The following CACNG2 variants were observed in gnomAD, a reference collection of about 807,000 sequenced individuals.
CACNG2 encodes the protein voltage-dependent calcium channel gamma-2 subunit.
In CACNG2, 3 loss-of-function variants were observed where a neutral mutation model predicts 25.9. That is an observed-to-expected ratio of 0.12 (90% CI 0.05 to 0.30). The LOEUF is 0.30. Ranked by LOEUF, CACNG2 falls within the 10% of genes least tolerant of loss-of-function variation. The probability of loss-of-function intolerance (pLI) is 1.00; values close to 1 mark genes in which losing one functional copy is unlikely to be tolerated. For synonymous variants in CACNG2, 167 were observed against 173.3 expected (o/e 0.96, Z 0.29); for missense variants, 341 against 432.5 (o/e 0.79, Z 1.88).
intron 1 of CACNG2, among the ~76,000 whole-genome samples, chr22:36,674,431 C>T (rs144247400): frequency 1.3e-5 from 2 of 152,188 alleles, no homozygotes; most frequent in African/African-American, 2.4e-5. Context: ...TGGGCTTGAG[C>T]GATTCTCCTG....
At chr22:36,618,944 G>A (rs148063252) in intron 1 of CACNG2, among the ~76,000 whole-genome samples, 1 of 151,298 alleles carries the variant, frequency 6.6e-6, no homozygotes, top group Non-Finnish European at 1.5e-5. Flanking sequence ...AAAACAAAAA[G>A]CAAACAAACA....
chr22:36,608,885 C>T (rs1455764118), intron 1 of CACNG2, among the ~76,000 whole-genome samples: 6 of 152,080 alleles, frequency 3.9e-5, no homozygotes, highest in Non-Finnish European at 8.8e-5. Flanking sequence ...TCAGTACCTG[C>T]TAGCTATTGT....
chr22:36,574,202 G>A (rs1054711068), intron 2 of CACNG2, among the ~76,000 whole-genome samples: 3 of 152,184 alleles, frequency 2.0e-5, no homozygotes, highest in African/African-American at 4.8e-5. Flanking sequence ...AGAAGCAAAC[G>A]GATTACGAAG....
intron 2 of CACNG2, among the ~76,000 whole-genome samples, chr22:36,586,053 G>T (rs909594153): frequency 6.6e-6 from 1 of 152,282 alleles, no homozygotes; most frequent in African/African-American, 2.4e-5. Flanking sequence ...GTGGCTCCCA[G>T]TGTGGGGCTT....
intron 1 of CACNG2, among the ~76,000 whole-genome samples, chr22:36,659,901 A>G (rs1404394316): frequency 1.3e-5 from 2 of 151,232 alleles, no homozygotes; most frequent in Non-Finnish European, 2.9e-5. Context: ...GCAGTCCCCT[A>G]GAAGAGCCTG....
At chr22:36,570,397 A>T (rs1330766558) in intron 2 of CACNG2, among the ~76,000 whole-genome samples, 1 of 152,130 alleles carries the variant, frequency 6.6e-6, no homozygotes, top group Non-Finnish European at 1.5e-5. Context: ...ATACAAACAG[A>T]AGCCTCTTCG....
chr22:36,632,274 C>T (rs1936283805), intron 1 of CACNG2, among the ~76,000 whole-genome samples: 1 of 151,994 alleles, frequency 6.6e-6, no homozygotes, highest in African/African-American at 2.4e-5. Context: ...GGGAGCTCTG[C>T]GGTCTGGCAC....
intron 1 of CACNG2, among the ~76,000 whole-genome samples, chr22:36,619,147 G>T (rs5756267): frequency 6.6e-6 from 1 of 152,026 alleles, no homozygotes; most frequent in Non-Finnish European, 1.5e-5. Context: ...GCCCAAGATC[G>T]CAGTGTTTCT....
chr22:36,659,745 A>G (rs1936761415), intron 1 of CACNG2, among the ~76,000 whole-genome samples: 1 of 151,812 alleles, frequency 6.6e-6, no homozygotes, highest in East Asian at 1.9e-4. Context: ...GATCAGAAAG[A>G]CCTGTGTTCA....
rs544999073 is a variant in CACNG2, at chr22:36,593,465, G to A, written c.212-5917C>T. Among the ~76,000 whole-genome samples the A allele has an allele frequency of 4.9e-4, 75 of 152,256 alleles. No individual in the cohort carries two copies. In the South Asian group the frequency reaches 9.5e-3, roughly 19 times the overall value. On this transcript the variant is annotated intron_variant, in intron 1 of 3. Transcript: ENST00000300105. ...GGCAGGGAAATGGACCGGAAATGTC[G>A]ATGAGGCCCAGGGAGGCCTGGGATG...
chr22:36,700,045 T>C (rs1601463219), intron 1 of CACNG2, among the ~76,000 whole-genome samples: 1 of 152,040 alleles, frequency 6.6e-6, no homozygotes, highest in Admixed American at 6.5e-5. Flanking sequence ...GGAAAGGGAG[T>C]ATCATCCCTG....
chr22:36,688,142 C>A (rs145959910), intron 1 of CACNG2, among the ~76,000 whole-genome samples: 2 of 152,074 alleles, frequency 1.3e-5, no homozygotes, highest in African/African-American at 4.8e-5. Flanking sequence ...ACACATGGTC[C>A]TCAGCCCAGG....
intron 1 of CACNG2, among the ~76,000 whole-genome samples, chr22:36,587,967 C>T (rs1935531307): frequency 6.6e-6 from 1 of 152,212 alleles, no homozygotes; most frequent in African/African-American, 2.4e-5. Context: ...CTAAAGGGGA[C>T]ACACCCCGCA....
chr22:36,598,645 A>G (rs1431686124), intron 1 of CACNG2, among the ~76,000 whole-genome samples: 4 of 151,148 alleles, frequency 2.6e-5, no homozygotes, highest in Non-Finnish European at 5.9e-5. Context: ...ACTCCCCAAA[A>G]ACAAAAATAC....
intron 1 of CACNG2, among the ~76,000 whole-genome samples, chr22:36,623,115 G>C (rs886600425): frequency 7.0e-6 from 1 of 142,372 alleles, no homozygotes; most frequent in African/African-American, 2.6e-5. Flanking sequence ...CTACCTCCTA[G>C]GTTCAAGAGA....
intron 1 of CACNG2, among the ~76,000 whole-genome samples, chr22:36,604,609 A>G (rs1168117750): frequency 1.3e-5 from 2 of 152,226 alleles, no homozygotes; most frequent in Non-Finnish European, 2.9e-5. Flanking sequence ...GTCAATCAGC[A>G]GCTATCAACA....
chr22:36,691,463 A>G (rs2146014797), intron 1 of CACNG2, among the ~76,000 whole-genome samples: 2 of 152,344 alleles, frequency 1.3e-5, no homozygotes, highest in East Asian at 3.9e-4. Context: ...TAAGCTCAAA[A>G]TGCTGAAGAC....
At chr22:36,639,406 A>G (rs571401271) in intron 1 of CACNG2, among the ~76,000 whole-genome samples, 1 of 152,292 alleles carries the variant, frequency 6.6e-6, no homozygotes, top group East Asian at 1.9e-4. Flanking sequence ...AGGAGGGGAA[A>G]GCGTTTTGGG....
At chr22:36,598,708 G>C (rs534879894) in intron 1 of CACNG2, among the ~76,000 whole-genome samples, 8 of 151,940 alleles carry the variant, frequency 5.3e-5, no homozygotes, top group African/African-American at 1.4e-4. Flanking sequence ...GCCGAGCACG[G>C]TGGCTCACGC....
Sources: gnomAD v4.1 joint callset for allele counts (sites outside exome capture counted in the v4.1 genomes callset) on GRCh38, gnomAD v4.1.1 for gene constraint, MANE v1.5 for transcripts, NCBI Gene and HGNC (gene_info 2026-07-23, HGNC 2026-07-21) for gene names.